The following TNNT1 variants were observed in gnomAD, a reference collection of about 807,000 sequenced individuals.
The protein encoded by TNNT1 is troponin T, slow skeletal muscle.
TNNT1 carries 53 observed loss-of-function variants against 50.6 expected under a neutral mutation model. That is an observed-to-expected ratio of 1.05 (90% CI 0.84 to 1.32). The LOEUF (loss-of-function observed/expected upper bound fraction) is 1.32. Ranked by LOEUF, TNNT1 falls within the 40% of genes most tolerant of loss-of-function variation. The pLI is 0.00. For missense variants in TNNT1, 348 were observed against 381.7 expected (o/e 0.91, Z 0.74); for synonymous variants, 142 against 138.0 (o/e 1.03, Z -0.20).
At chr19:55,140,822 C>T (rs1342455066) in intron 9 of TNNT1, 61 bp downstream of exon 9, 50 of 1,118,598 alleles carry the variant, frequency 4.5e-5, no homozygotes, top group Middle Eastern at 2.9e-4. Context: ...ATAATAATAA[C>T]AAAATGGGCA....
chr19:55,146,934 A>G, intron 3 of TNNT1, 74 bp downstream of exon 3: 1 of 1,501,038 alleles, frequency 6.7e-7, no homozygotes, highest in Non-Finnish European at 8.9e-7. Flanking sequence ...CCAAAGTGCC[A>G]CACTCCTCGC....
At chr19:55,137,245 G>A (rs775424193) in intron 10 of TNNT1, 33 bp from the exon 11 acceptor site, 2 of 1,489,088 alleles carry the variant, frequency 1.3e-6, no homozygotes, top group Non-Finnish European at 1.9e-6. Flanking sequence ...AGTAAACTGG[G>A]GGCCACATCC....
Position 55,146,417 on chromosome 19 carries a change from G to A in TNNT1, c.106+17C>T. On this transcript the variant is annotated intron_variant, in intron 5 of 13. Transcript: ENST00000588981. ...GCCCCCGACATCGGTCTCGGGAAGC[G>A]AAGCAGCCGCGGTTACCTGGCTCTG... The A allele has an allele frequency of 2.9e-6, 4 of 1,356,848 alleles. 1 individual carries two copies. The South Asian group carries it at 5.4e-5, about 18-fold the overall frequency. The allele number at this position is 1,356,848 out of a possible 1,614,324, so 84.1% of individuals were successfully genotyped here.
chr19:55,134,565 T>G (rs1042256022), intron 11 of TNNT1, among the ~76,000 whole-genome samples: 3 of 148,530 alleles, frequency 2.0e-5, no homozygotes, highest in Non-Finnish European at 4.5e-5. Context: ...TGTTTCCGGC[T>G]ACTTGGGAGG....
intron 9 of TNNT1, among the ~76,000 whole-genome samples, chr19:55,139,583 A>T (rs1345281332): frequency 6.6e-6 from 1 of 152,116 alleles, no homozygotes; most frequent in Non-Finnish European, 1.5e-5. Context: ...CCTTCCTCTT[A>T]TAAGGACCCT....
intron 11 of TNNT1, among the ~76,000 whole-genome samples, chr19:55,135,320 G>C (rs186228247): frequency 1.0e-3 from 159 of 152,212 alleles, no homozygotes; most frequent in Middle Eastern, 3.4e-3. Context: ...AGAAAACATA[G>C]GAGTCTGGTC....
chr19:55,147,206 C>T (rs780305859), intron 1 of TNNT1, 38 bp from the exon 2 acceptor site: 21 of 1,606,246 alleles, frequency 1.3e-5, no homozygotes, highest in Non-Finnish European at 1.8e-5. Flanking sequence ...GGGGTGGGGC[C>T]CCAAGGAGGG....
chr19:55,146,426 G>A lies in TNNT1; in HGVS notation c.106+8C>T. The A allele has an allele frequency of 7.3e-7, 1 of 1,368,522 alleles. No individual in the cohort carries two copies. The highest frequency in any genetic ancestry group is 3.0e-5 in the East Asian group (1 of 33,868). The allele number at this position is 1,368,522 out of a possible 1,614,324, so 84.8% of individuals were successfully genotyped here. ...ATCGGTCTCGGGAAGCGAAGCAGCCGCGGTTACCTGGCTCTGCCACCGGCT... is the reference window on the plus strand; with the variant it reads ...ATCGGTCTCGGGAAGCGAAGCAGCCACGGTTACCTGGCTCTGCCACCGGCT... On this transcript the variant is annotated splice_region_variant and intron_variant, in intron 5 of 13. Coordinates refer to ENST00000588981, the MANE Select transcript of TNNT1 (RefSeq NM_003283.6).
chr19:55,133,398 G>C (rs995351669), intron 13 of TNNT1, among the ~76,000 whole-genome samples: 3 of 152,046 alleles, frequency 2.0e-5, no homozygotes, highest in Non-Finnish European at 2.9e-5. Context: ...AGACCCTCTC[G>C]GCTGGGCGCG....
chr19:55,149,112 C>G (rs780107394), intron 1 of TNNT1, 49 bp downstream of exon 1: 5 of 455,958 alleles, frequency 1.1e-5, no homozygotes, highest in Non-Finnish European at 1.8e-5. Context: ...TGCCCCCTCC[C>G]CCAAGGACAT....
At chr19:55,142,261 C>T (rs1229665642) in intron 6 of TNNT1, among the ~76,000 whole-genome samples, 1 of 151,262 alleles carries the variant, frequency 6.6e-6, no homozygotes, top group Non-Finnish European at 1.5e-5. Context: ...GCTGGGACTA[C>T]AGGCGCCCAC....
chr19:55,138,085 T>A lies in TNNT1; in HGVS notation c.388-11A>T, dbSNP rs2085386529. ...CCTCATCTTCTCCTCCTGTGGGAAG[T>A]AAGGGGTTAACCTCATGGACTCCCC... On this transcript the variant is annotated splice_polypyrimidine_tract_variant and intron_variant, in intron 9 of 13. Transcript: ENST00000588981. 1 of 1,613,916 alleles carries A rather than the reference T, an allele frequency of 6.2e-7. No homozygotes were observed. The highest frequency in any genetic ancestry group is 1.7e-5 in the Admixed American group (1 of 59,984).
At chr19:55,141,325 G>A (rs756357231) in intron 7 of TNNT1, 23 bp from the exon 8 acceptor site, 183 of 1,591,730 alleles carry the variant, frequency 1.1e-4, no homozygotes, top group Non-Finnish European at 1.3e-4. Context: ...CGGGCAGCCC[G>A]TCCTAGGAGA....
chr19:55,141,434 G>C (rs757382796), intron 7 of TNNT1, 132 bp from the exon 8 acceptor site: 3 of 739,584 alleles, frequency 4.1e-6, no homozygotes, highest in Admixed American at 3.8e-5. Context: ...GCAATGCCTC[G>C]TGTTTGACAC....
intron 11 of TNNT1, among the ~76,000 whole-genome samples, chr19:55,135,204 CTTCT>C (rs1321946633): frequency 6.6e-6 from 1 of 152,134 alleles, no homozygotes; most frequent in Non-Finnish European, 1.5e-5. Context: ...TCTCTTGCGT[CTTCT>C]TTCTGCTGCT....
intron 1 of TNNT1, among the ~76,000 whole-genome samples, chr19:55,147,726 G>T (rs188685262): frequency 0.082 from 2,808 of 34,114 alleles, 166 homozygotes; most frequent in African/African-American, 0.21. Context: ...GGGCCTGGAC[G>T]CCTGGGTCTG....
At chr19:55,139,081 C>T (rs114368894) in intron 9 of TNNT1, among the ~76,000 whole-genome samples, 1 of 152,002 alleles carries the variant, frequency 6.6e-6, no homozygotes, top group Admixed American at 6.5e-5. Context: ...TTCACTGCAA[C>T]CCCCACCTCC....
intron 11 of TNNT1, chr19:55,135,525 CTTTTTT>C: frequency 1.2e-4 from 20 of 171,638 alleles, no homozygotes; most frequent in South Asian, 2.5e-4. Context: ...TCACCTCAGC[CTTTTTT>C]TTTTTTTTTT....
In TNNT1 at chr19:55,132,951, C is replaced by T. The variant is rs1568832569; in HGVS notation, c.801G>A (p.Gly267=). The T allele has an allele frequency of 6.2e-7, 1 of 1,602,544 alleles. No homozygotes were observed. The highest frequency in any genetic ancestry group is 8.5e-7 in the Non-Finnish European group (1 of 1,175,794). ...RISHAQKFRK[G]AGKGRVGGRW... is the part of the protein sequence containing the mutation. ...GGCCTCCAACGCGGCCCTTCCCTGC[C>T]CCCTTCCGGCTGTAGAAGAATGAGG... The change falls in exon 14 of 14, where the codon GGG becomes GGA. Residue 267 remains glycine, a synonymous_variant. Transcript: ENST00000588981.
Sources: allele counts gnomAD v4.1 joint callset (sites outside exome capture counted in the v4.1 genomes callset), GRCh38; gene constraint gnomAD v4.1.1; transcripts MANE v1.5; gene names NCBI Gene and HGNC (gene_info 2026-07-23, HGNC 2026-07-21).